The following PLCB1 variants were observed in gnomAD, a reference collection of about 807,000 sequenced individuals.
The protein encoded by PLCB1 is 1-phosphatidylinositol 4,5-bisphosphate phosphodiesterase beta-1.
In PLCB1, 46 loss-of-function variants were observed where a neutral mutation model predicts 161.8. The ratio of observed to expected loss-of-function variants is 0.28; its 90% CI spans 0.22 to 0.36. The LOEUF (loss-of-function observed/expected upper bound fraction) is 0.36. Among genes scored for constraint, PLCB1 ranks in the 10% least tolerant of loss-of-function variants. The probability of loss-of-function intolerance (pLI) is 1.00; values close to 1 mark genes in which losing one functional copy is unlikely to be tolerated. For synonymous variants in PLCB1, 517 were observed against 503.7 expected, an observed-to-expected ratio of 1.03 and a Z score of -0.35; for missense variants, 1,016 against 1,472.5, an observed-to-expected ratio of 0.69 and a Z score of 5.07.
At chr20:8,499,595 G>C (rs939900930) in intron 3 of PLCB1, among the ~76,000 whole-genome samples, 9 of 152,086 alleles carry the variant, frequency 5.9e-5, no homozygotes, top group African/African-American at 2.2e-4. Flanking sequence ...ATTTATATAA[G>C]CTTGTTTTAT....
intron 3 of PLCB1, among the ~76,000 whole-genome samples, chr20:8,456,557 AAAAT>A (rs1422659517): frequency 6.6e-6 from 1 of 152,208 alleles, no homozygotes; most frequent in Non-Finnish European, 1.5e-5. Flanking sequence ...TTTTATGAGA[AAAAT>A]AAATAAATTT....
intron 2 of PLCB1, among the ~76,000 whole-genome samples, chr20:8,309,851 G>A (rs1349018732): frequency 3.3e-5 from 5 of 152,084 alleles, no homozygotes; most frequent in Non-Finnish European, 7.4e-5. Context: ...TCTAAGAAAG[G>A]GATTAGCACG....
chr20:8,372,474 T>C (rs770577848), intron 3 of PLCB1, among the ~76,000 whole-genome samples: 3 of 151,610 alleles, frequency 2.0e-5, no homozygotes, highest in Non-Finnish European at 4.4e-5. Context: ...TTTTATTTTA[T>C]TTGCTGAAAG....
At chr20:8,134,644 C>A (rs915867968) in intron 1 of PLCB1, among the ~76,000 whole-genome samples, 1 of 152,044 alleles carries the variant, frequency 6.6e-6, no homozygotes, top group Non-Finnish European at 1.5e-5. Context: ...TGTTACGGAC[C>A]TTACATGCTA....
intron 2 of PLCB1, among the ~76,000 whole-genome samples, chr20:8,351,228 G>T (rs1206351018): frequency 6.6e-6 from 1 of 151,982 alleles, no homozygotes; most frequent in African/African-American, 2.4e-5. Context: ...GAAAGTGCAA[G>T]AATAATTCAA....
intron 31 of PLCB1, among the ~76,000 whole-genome samples, chr20:8,828,756 GA>G (rs1465317127): frequency 6.6e-6 from 1 of 152,070 alleles, no homozygotes; most frequent in South Asian, 2.1e-4. Context: ...GGAGTGGGGA[GA>G]AAAAACACCT....
chr20:8,256,947 T>C (rs534768015), intron 2 of PLCB1: 7 of 152,220 alleles, frequency 4.6e-5, no homozygotes, highest in Non-Finnish European at 8.8e-5. Flanking sequence ...GATTGTGTTT[T>C]CTCTGGGAGC....
intron 2 of PLCB1, among the ~76,000 whole-genome samples, chr20:8,356,024 C>A (rs1568644346): frequency 6.6e-6 from 1 of 152,092 alleles, no homozygotes; most frequent in Non-Finnish European, 1.5e-5. Flanking sequence ...TAAAGTGAGA[C>A]TCCATAGTGT....
At chr20:8,305,016 T>C (rs572524630) in intron 2 of PLCB1, among the ~76,000 whole-genome samples, 3 of 152,334 alleles carry the variant, frequency 2.0e-5, no homozygotes, top group African/African-American at 7.2e-5. Context: ...GGCTATATGC[T>C]AGGAACTATA....
chr20:8,378,300 G>A (rs896277796), intron 3 of PLCB1, among the ~76,000 whole-genome samples: 1 of 152,120 alleles, frequency 6.6e-6, no homozygotes, highest in African/African-American at 2.4e-5. Context: ...TGAGGTACAG[G>A]CATACCGCAG....
intron 2 of PLCB1, among the ~76,000 whole-genome samples, chr20:8,358,348 G>C (rs7260699): frequency 6.6e-6 from 1 of 151,884 alleles, no homozygotes; most frequent in African/African-American, 2.4e-5. Flanking sequence ...TCCCGGGTTC[G>C]AGCGATTCTT....
At chr20:8,795,050 T>G (rs1369314993) in intron 31 of PLCB1, among the ~76,000 whole-genome samples, 1 of 152,222 alleles carries the variant, frequency 6.6e-6, no homozygotes, top group Non-Finnish European at 1.5e-5. Flanking sequence ...TATGCCTCAA[T>G]CAAAATCAGG....
intron 2 of PLCB1, among the ~76,000 whole-genome samples, chr20:8,285,401 A>G (rs1184908986): frequency 6.6e-6 from 1 of 152,018 alleles, no homozygotes; most frequent in Non-Finnish European, 1.5e-5. Flanking sequence ...AGTAGGCCAG[A>G]TATTTGACCA....
At chr20:8,666,521 A>C (rs1989816145) in intron 9 of PLCB1, among the ~76,000 whole-genome samples, 2 of 152,200 alleles carry the variant, frequency 1.3e-5, no homozygotes, top group African/African-American at 4.8e-5. Context: ...AGTGGCCTCC[A>C]ATCATAGATT....
At chr20:8,439,549 C>T (rs1980461832) in intron 3 of PLCB1, among the ~76,000 whole-genome samples, 1 of 152,124 alleles carries the variant, frequency 6.6e-6, no homozygotes, top group Non-Finnish European at 1.5e-5. Context: ...CTATTTAGAC[C>T]ATGTTCTAAA....
chr20:8,532,943 A>T (rs1371001034), intron 3 of PLCB1, among the ~76,000 whole-genome samples: 1 of 151,936 alleles, frequency 6.6e-6, no homozygotes, highest in African/African-American at 2.4e-5. Flanking sequence ...TACATGTGCC[A>T]TGCTGGTGTG....
intron 2 of PLCB1, among the ~76,000 whole-genome samples, chr20:8,293,901 A>G (rs748997475): frequency 6.6e-6 from 1 of 152,156 alleles, no homozygotes; most frequent in Non-Finnish European, 1.5e-5. Context: ...GGGACTAGAG[A>G]AAGGGCGGGT....
intron 2 of PLCB1, among the ~76,000 whole-genome samples, chr20:8,251,268 C>T (rs1394353768): frequency 6.6e-6 from 1 of 151,866 alleles, no homozygotes; most frequent in Non-Finnish European, 1.5e-5. Flanking sequence ...AGTTAAGTTT[C>T]AACATAGGAA....
intron 2 of PLCB1, among the ~76,000 whole-genome samples, chr20:8,329,498 CTGTT>C (rs898051285): frequency 2.0e-5 from 3 of 152,054 alleles, no homozygotes; most frequent in South Asian, 2.1e-4. Context: ...TTGGTTTTTT[CTGTT>C]TGTTTGTTTG....
Sources: gnomAD v4.1 joint callset for allele counts (sites outside exome capture counted in the v4.1 genomes callset) on GRCh38, gnomAD v4.1.1 for gene constraint, MANE v1.5 for transcripts, NCBI Gene and HGNC (gene_info 2026-07-23, HGNC 2026-07-21) for gene names.